Variants in CSMD1 observed in about 807,000 individuals in gnomAD.
CSMD1 encodes CUB and Sushi multiple domains 1, also known as CUB and sushi domain-containing protein 1.
A neutral mutation model predicts 417.5 loss-of-function variants in CSMD1; 213 were observed. The ratio of observed to expected loss-of-function variants is 0.51; its 90% CI spans 0.46 to 0.57. The LOEUF is 0.57. CSMD1 is among the 20% of genes least tolerant of loss of function. CSMD1 has a pLI of 0.00. For missense variants in CSMD1, 6,923 were observed against 4,529.7 expected (o/e 1.53, Z -15.17); for synonymous variants, 2,862 against 1,736.8 (o/e 1.65, Z -16.11).
At chr8:3,300,783 C>A (rs1031019893) in intron 25 of CSMD1, among the ~76,000 whole-genome samples, 1 of 150,992 alleles carries the variant, frequency 6.6e-6, no homozygotes, top group African/African-American at 2.4e-5. Flanking sequence ...GGGCGAAACC[C>A]CGTGTCTACT....
chr8:4,103,798 G>A (rs1171725451), intron 3 of CSMD1, among the ~76,000 whole-genome samples: 3 of 152,182 alleles, frequency 2.0e-5, no homozygotes, highest in Non-Finnish European at 2.9e-5. Flanking sequence ...CAGAATGACA[G>A]AAAGGGTAAA....
chr8:3,903,365 C>T (rs910895884), intron 5 of CSMD1, among the ~76,000 whole-genome samples: 2 of 151,824 alleles, frequency 1.3e-5, no homozygotes, highest in African/African-American at 4.8e-5. Context: ...CAGGGTTCAA[C>T]AAAACAATTG....
chr8:4,975,368 T>C (rs4495447), intron 1 of CSMD1, among the ~76,000 whole-genome samples: 106,725 of 152,164 alleles, frequency 0.7, 38,615 homozygotes, highest in African/African-American at 0.86. Flanking sequence ...ATTGCACACA[T>C]AGCAAGTATT....
At chr8:3,847,664 T>C (rs1444416680) in intron 5 of CSMD1, among the ~76,000 whole-genome samples, 1 of 151,984 alleles carries the variant, frequency 6.6e-6, no homozygotes, top group Non-Finnish European at 1.5e-5. Context: ...AGCTGCTGCA[T>C]TTCTGGTCAT....
At chr8:4,203,109 T>C (rs961531008) in intron 3 of CSMD1, among the ~76,000 whole-genome samples, 1 of 152,230 alleles carries the variant, frequency 6.6e-6, no homozygotes, top group African/African-American at 2.4e-5. Context: ...GTGGGTTCCC[T>C]GTTGTCATAA....
chr8:4,915,635 A>G (rs1001265742), intron 1 of CSMD1, among the ~76,000 whole-genome samples: 2 of 152,206 alleles, frequency 1.3e-5, no homozygotes, highest in African/African-American at 2.4e-5. Flanking sequence ...GCAGTTCCCA[A>G]CCTTCACACC....
chr8:4,845,348 T>C (rs1465000165), intron 1 of CSMD1, among the ~76,000 whole-genome samples: 1 of 152,218 alleles, frequency 6.6e-6, no homozygotes, highest in African/African-American at 2.4e-5. Context: ...AGCCAGGGGA[T>C]ACATATCCAC....
At chr8:3,592,025 A>G (rs1800871521) in intron 8 of CSMD1, among the ~76,000 whole-genome samples, 1 of 152,184 alleles carries the variant, frequency 6.6e-6, no homozygotes, top group African/African-American at 2.4e-5. Context: ...AGATAGATAC[A>G]TAAATAGATG....
intron 46 of CSMD1, among the ~76,000 whole-genome samples, chr8:3,103,626 C>T (rs1022623881): frequency 2.6e-5 from 4 of 152,082 alleles, no homozygotes; most frequent in Non-Finnish European, 5.9e-5. Context: ...CGGTCTGTCA[C>T]GGTTCAAAAC....
chr8:3,925,371 C>G (rs1209464547), intron 5 of CSMD1, among the ~76,000 whole-genome samples: 2 of 152,018 alleles, frequency 1.3e-5, no homozygotes, highest in African/African-American at 2.4e-5. Flanking sequence ...ATTCAAATGA[C>G]AATTTAATAT....
chr8:3,644,859 G>C (rs541496665), intron 7 of CSMD1, among the ~76,000 whole-genome samples: 1 of 147,934 alleles, frequency 6.8e-6, no homozygotes, highest in South Asian at 2.2e-4. Flanking sequence ...TTTCCTAAGA[G>C]ATTGCTGTTG....
chr8:3,813,876 G>C (rs1585036782), intron 5 of CSMD1, among the ~76,000 whole-genome samples: 1 of 152,162 alleles, frequency 6.6e-6, no homozygotes, highest in Admixed American at 6.5e-5. Flanking sequence ...AAAAAGAAGA[G>C]AAAGTGATCG....
rs187156972 is a variant in CSMD1, at chr8:3,389,747, T to C, written c.2594-2065A>G. Among the ~76,000 whole-genome samples, 9 of 152,290 alleles carry C rather than the reference T, an allele frequency of 5.9e-5. No individual in the cohort carries two copies. The East Asian group carries it at 1.2e-3, about 20-fold the overall frequency. On this transcript the variant is annotated intron_variant, in intron 17 of 69. Coordinates refer to ENST00000635120, the MANE Select transcript of CSMD1 (RefSeq NM_033225.6). Reference sequence around the variant, plus strand: ...TACAGTGAAAAGAGACAAACTGCGGTAGAAATAAAAACATCGAATTAAAAT... The same window carrying C: ...TACAGTGAAAAGAGACAAACTGCGGCAGAAATAAAAACATCGAATTAAAAT...
chr8:3,340,583 C>A (rs1484887724), intron 23 of CSMD1, among the ~76,000 whole-genome samples: 1 of 152,236 alleles, frequency 6.6e-6, no homozygotes, highest in Non-Finnish European at 1.5e-5. Flanking sequence ...GCATAAATAA[C>A]TTGCGTAAAA....
At chr8:3,365,652 T>C (rs10107025) in intron 20 of CSMD1, among the ~76,000 whole-genome samples, 7,196 of 152,284 alleles carry the variant, frequency 0.047, 206 homozygotes, top group Middle Eastern at 0.092. Context: ...GCACAAAATA[T>C]ATGTAGATAC....
intron 5 of CSMD1, among the ~76,000 whole-genome samples, chr8:3,826,612 C>A (rs1041210478): frequency 6.6e-6 from 1 of 152,078 alleles, no homozygotes; most frequent in Non-Finnish European, 1.5e-5. Context: ...CTCTCAGTCC[C>A]GTTCTGCTGA....
chr8:4,528,821 C>G (rs1466435823), intron 2 of CSMD1, among the ~76,000 whole-genome samples: 2 of 151,898 alleles, frequency 1.3e-5, no homozygotes, highest in South Asian at 2.1e-4. Context: ...CACACACACA[C>G]CATGAAAACT....
At chr8:4,187,631 G>A (rs896898218) in intron 3 of CSMD1, among the ~76,000 whole-genome samples, 13 of 126,306 alleles carry the variant, frequency 1.0e-4, no homozygotes, top group Non-Finnish European at 3.1e-5. Flanking sequence ...AGCCGAGATT[G>A]CATCACTGCA....
At position 4,067,009 on chromosome 8, in the gene CSMD1, A is replaced by T. The variant is rs76371818; in HGVS notation, c.416-34910T>A. Among the ~76,000 whole-genome samples the T allele has an allele frequency of 1.5e-3, 222 of 152,382 alleles. 6 individuals carry two copies. The East Asian group carries it at 0.032, about 22-fold the overall frequency. ...CAACTCCACAACTGAGAAACAAGAC[A>T]ACATGAGCTCTTAGTTTTGTGTATG... On this transcript the variant is annotated intron_variant, in intron 3 of 69. Coordinates refer to ENST00000635120, the MANE Select transcript of CSMD1 (RefSeq NM_033225.6).
Sources: gnomAD v4.1 joint callset for allele counts (sites outside exome capture counted in the v4.1 genomes callset) on GRCh38, gnomAD v4.1.1 for gene constraint, MANE v1.5 for transcripts, NCBI Gene and HGNC (gene_info 2026-07-23, HGNC 2026-07-21) for gene names.